Variants in SLC4A4 observed in about 807,000 individuals in gnomAD.
SLC4A4 encodes the protein solute carrier family 4 member 4.
A neutral mutation model predicts 111.5 loss-of-function variants in SLC4A4; 27 were observed. The ratio of observed to expected loss-of-function variants is 0.24; its 90% CI spans 0.18 to 0.33. SLC4A4 has a LOEUF of 0.33. Ranked by LOEUF, SLC4A4 falls within the 10% of genes least tolerant of loss-of-function variation. SLC4A4 has a pLI of 1.00. For synonymous variants in SLC4A4, 443 were observed against 463.4 expected (o/e 0.96, Z 0.57); for missense variants, 909 against 1,315.5 (o/e 0.69, Z 4.78).
At position 71,106,711 on chromosome 4, in the gene SLC4A4, G is replaced by A. The variant is rs7670816; in HGVS notation, c.-2+13919G>A. ...CACCGCATATTCTCACTCATAGGTG[G>A]GAATTGAACAATGAGATCACATGGA... On this transcript the variant is annotated intron_variant, in intron 2 of 26. Coordinates refer to the SLC4A4 transcript ENST00000649996. 9.6e-3 allele frequency among the ~76,000 whole-genome samples: 1,358 copies of A among 140,810 alleles called. 27 individuals are homozygous for A. Among genetic ancestry groups the A allele is most frequent in the African/African-American group, 0.034 (1,292 of 37,782 alleles). 92.4% of individuals were successfully genotyped at this position (140,810 alleles called of 152,430 possible).
chr4:71,323,212 AC>A (rs946234402), intron 3 of SLC4A4, among the ~76,000 whole-genome samples: 3 of 152,124 alleles, frequency 2.0e-5, no homozygotes, highest in African/African-American at 7.2e-5. Context: ...AAAATTTAGA[AC>A]TTGCACATAA....
intron 3 of SLC4A4, chr4:71,300,950 A>G: frequency 1.9e-6 from 1 of 520,716 alleles, no homozygotes; most frequent in Non-Finnish European, 4.0e-6. Context: ...TGTTAGTGCC[A>G]TAGATCAGGG....
intron 6 of SLC4A4, among the ~76,000 whole-genome samples, chr4:71,369,608 A>G (rs1731660324): frequency 6.6e-6 from 1 of 152,170 alleles, no homozygotes; most frequent in Non-Finnish European, 1.5e-5. Flanking sequence ...TCAAATACCT[A>G]CTATATGCCA....
chr4:71,552,262 A>G (rs1736058215), intron 20 of SLC4A4, among the ~76,000 whole-genome samples: 1 of 152,000 alleles, frequency 6.6e-6, no homozygotes, highest in Non-Finnish European at 1.5e-5. Context: ...TTACATAAGT[A>G]GTAGGGCCAG....
intron 2 of SLC4A4, among the ~76,000 whole-genome samples, chr4:71,100,413 A>C (rs1371391600): frequency 6.6e-6 from 1 of 152,148 alleles, no homozygotes; most frequent in Non-Finnish European, 1.5e-5. Context: ...ACATTCCTTC[A>C]TTCTCAATAA....
chr4:71,513,785 T>C (rs939384633), intron 16 of SLC4A4, among the ~76,000 whole-genome samples: 2 of 152,168 alleles, frequency 1.3e-5, no homozygotes, highest in African/African-American at 4.8e-5. Flanking sequence ...GCCTTTATTA[T>C]TTTGAGGTAG....
intron 3 of SLC4A4, among the ~76,000 whole-genome samples, chr4:71,329,223 G>A (rs1413225478): frequency 6.6e-6 from 1 of 151,778 alleles, no homozygotes; most frequent in Non-Finnish European, 1.5e-5. Flanking sequence ...GTTACTGTAG[G>A]TCTATAGTAA....
chr4:71,359,780 G>A (rs1730597775), intron 6 of SLC4A4, among the ~76,000 whole-genome samples: 1 of 152,152 alleles, frequency 6.6e-6, no homozygotes, highest in Non-Finnish European at 1.5e-5. Flanking sequence ...TCAGTCTGTT[G>A]TAGTTGGAGC....
intron 2 of SLC4A4, among the ~76,000 whole-genome samples, chr4:71,168,638 TC>T (rs1007894441): frequency 2.1e-4 from 30 of 143,808 alleles, no homozygotes; most frequent in African/African-American, 7.3e-4. Context: ...CTGGTAACCA[TC>T]CTTCTACTAT....
At chr4:71,232,612 T>A (rs528409606) in intron 1 of SLC4A4, among the ~76,000 whole-genome samples, 1 of 152,250 alleles carries the variant, frequency 6.6e-6, no homozygotes, top group African/African-American at 2.4e-5. Flanking sequence ...TGGGTCTTGC[T>A]ATGTTGCCCA....
chr4:71,171,323 A>G (rs1744934132), intron 2 of SLC4A4, among the ~76,000 whole-genome samples: 1 of 152,144 alleles, frequency 6.6e-6, no homozygotes, highest in Non-Finnish European at 1.5e-5. Flanking sequence ...AGTGGTGCCA[A>G]CTTTCTTTAT....
At chr4:71,194,324 C>T (rs1236061494) in intron 1 of SLC4A4, among the ~76,000 whole-genome samples, 2 of 152,156 alleles carry the variant, frequency 1.3e-5, no homozygotes, top group Non-Finnish European at 2.9e-5. Flanking sequence ...TATTCTTCAA[C>T]ATTCCTTATT....
At chr4:71,429,280 T>A (rs1288439842) in intron 7 of SLC4A4, among the ~76,000 whole-genome samples, 5 of 152,122 alleles carry the variant, frequency 3.3e-5, no homozygotes, top group Non-Finnish European at 1.5e-5. Context: ...TAAAAATAGC[T>A]ATGTGTGATG....
At chr4:71,075,807 T>C (rs1175441132) in intron 1 of SLC4A4, among the ~76,000 whole-genome samples, 1 of 151,720 alleles carries the variant, frequency 6.6e-6, no homozygotes, top group Admixed American at 6.6e-5. Flanking sequence ...CCACTAAAAA[T>C]ACAAAAATTA....
At chr4:71,346,562 C>A (rs1190091481) in intron 4 of SLC4A4, among the ~76,000 whole-genome samples, 1 of 151,636 alleles carries the variant, frequency 6.6e-6, no homozygotes, top group African/African-American at 2.4e-5. Flanking sequence ...GGTTCTAAAG[C>A]ACCTTTGCAG....
intron 3 of SLC4A4, among the ~76,000 whole-genome samples, chr4:71,273,887 A>G (rs7675006): frequency 6.6e-6 from 1 of 152,048 alleles, no homozygotes; most frequent in African/African-American, 2.4e-5. Context: ...ATACTGTCTG[A>G]CTCATGGAAC....
chr4:71,516,810 C>T (rs192473421), intron 16 of SLC4A4, among the ~76,000 whole-genome samples: 3 of 152,126 alleles, frequency 2.0e-5, no homozygotes, highest in Admixed American at 1.3e-4. Flanking sequence ...GTGTTCTATT[C>T]GAGGTATGTT....
At chr4:71,334,217 TAGTC>T (rs899904212) in intron 3 of SLC4A4, among the ~76,000 whole-genome samples, 2 of 152,068 alleles carry the variant, frequency 1.3e-5, no homozygotes, top group African/African-American at 4.8e-5. Context: ...CAAGGTCTCT[TAGTC>T]AGCAGGTGAT....
At chr4:71,137,406 GTGGT>G (rs1009000856) in intron 2 of SLC4A4, among the ~76,000 whole-genome samples, 2 of 152,242 alleles carry the variant, frequency 1.3e-5, no homozygotes, top group African/African-American at 4.8e-5. Context: ...GGCATGGAAA[GTGGT>G]GCTTAGATTC....
Sources: gnomAD v4.1 joint callset for allele counts (sites outside exome capture counted in the v4.1 genomes callset) on GRCh38, gnomAD v4.1.1 for gene constraint, MANE v1.5 for transcripts, NCBI Gene and HGNC (gene_info 2026-07-23, HGNC 2026-07-21) for gene names.